DCDC2C: variants seen among roughly 807,000 people sequenced by gnomAD.
The protein encoded by DCDC2C is doublecortin domain-containing protein 2C.
Under a neutral mutation model 45.0 loss-of-function variants are expected in DCDC2C, and 44 were observed. The observed-to-expected ratio is 0.98, with a 90% CI of 0.77 to 1.26. The LOEUF is 1.26. Ranked by LOEUF, DCDC2C falls within the 50% of genes most tolerant of loss-of-function variation. DCDC2C has a pLI of 0.00. For synonymous variants in DCDC2C, 187 were observed against 178.8 expected (o/e 1.05, Z -0.37); for missense variants, 447 against 468.9 (o/e 0.95, Z 0.43).
intron 10 of DCDC2C, among the ~76,000 whole-genome samples, chr2:3,845,286 G>A (rs966283849): frequency 6.6e-6 from 1 of 152,194 alleles, no homozygotes; most frequent in Non-Finnish European, 1.5e-5. Context: ...ACTCCATTTG[G>A]GTAGTTGTCT....
At position 3,775,145 on chromosome 2, in the gene DCDC2C, TGTG is replaced by T. The variant is rs1311842709; in HGVS notation, c.955-3669_955-3667del. On this transcript the variant is annotated intron_variant, in intron 8 of 10. Transcript: ENST00000399143. ...CAGCTGTGGCTGTGAGCTAGGCAGC[TGTG>T]GCTGTGAGCTAGGCAGCTGTGGCTG... is the stretch of plus-strand genomic sequence containing the variant. Among the ~76,000 whole-genome samples the T allele has an allele frequency of 1.9e-3, 238 of 124,918 alleles. 4 individuals are homozygous for T. Among genetic ancestry groups the T allele is most frequent in the Middle Eastern group, 4.1e-3 (1 of 242 alleles). 82.0% of individuals were successfully genotyped at this position (124,918 alleles called of 152,430 possible).
At chr2:3,807,348 C>T (rs11686118) in intron 10 of DCDC2C, among the ~76,000 whole-genome samples, 31,591 of 152,004 alleles carry the variant, frequency 0.21, 3,470 homozygotes, top group South Asian at 0.35. Context: ...CGAAGTGTGC[C>T]CAGGCAGGGG....
chr2:3,708,906 G>C (rs1386639310), intron 2 of DCDC2C, among the ~76,000 whole-genome samples: 2 of 152,186 alleles, frequency 1.3e-5, no homozygotes, highest in Non-Finnish European at 2.9e-5. Context: ...GGAAAGACAG[G>C]TCTCAGGAAA....
intron 8 of DCDC2C, among the ~76,000 whole-genome samples, chr2:3,774,314 C>G (rs1670268639): frequency 6.6e-6 from 1 of 152,220 alleles, no homozygotes; most frequent in Non-Finnish European, 1.5e-5. Context: ...CGGGAAACTT[C>G]AAGAGAAGTG....
intron 2 of DCDC2C, among the ~76,000 whole-genome samples, chr2:3,725,556 G>A (rs1195598401): frequency 2.1e-5 from 3 of 144,562 alleles, no homozygotes; most frequent in Admixed American, 6.9e-5. Context: ...GAGGCTGCCC[G>A]GTGGATCCCA....
intron 1 of DCDC2C, among the ~76,000 whole-genome samples, chr2:3,706,949 C>A (rs572595691): frequency 6.6e-6 from 1 of 152,312 alleles, no homozygotes; most frequent in South Asian, 2.1e-4. Flanking sequence ...CTCTGCGGTA[C>A]GGTTGGGAGA....
chr2:3,736,098 G>A (rs357957), intron 3 of DCDC2C, among the ~76,000 whole-genome samples: 68,356 of 151,978 alleles, frequency 0.45, 16,069 homozygotes, highest in East Asian at 0.71. Flanking sequence ...GAAGTCTTTG[G>A]TTAAATGAGT....
At chr2:3,766,228 A>G (rs936913309) in intron 6 of DCDC2C, among the ~76,000 whole-genome samples, 3 of 151,970 alleles carry the variant, frequency 2.0e-5, no homozygotes. Flanking sequence ...TGGGTTGTGC[A>G]TGCTTGTCAT....
chr2:3,710,390 T>A (rs893696445), intron 2 of DCDC2C, among the ~76,000 whole-genome samples: 3 of 152,096 alleles, frequency 2.0e-5, no homozygotes, highest in Non-Finnish European at 4.4e-5. Context: ...CCAGTGTGTG[T>A]TGTTCCCCTC....
chr2:3,835,892 C>T (rs1048708116), intron 10 of DCDC2C, among the ~76,000 whole-genome samples: 1 of 152,130 alleles, frequency 6.6e-6, no homozygotes, highest in Non-Finnish European at 1.5e-5. Context: ...TACAGGTGTA[C>T]ACCACCATGG....
chr2:3,747,474 A>G (rs1249551495), intron 4 of DCDC2C, among the ~76,000 whole-genome samples: 1 of 152,156 alleles, frequency 6.6e-6, no homozygotes, highest in Non-Finnish European at 1.5e-5. Context: ...GGCCATTGTC[A>G]TGGAGCAGCC....
chr2:3,713,954 GT>G (rs1406610632), intron 2 of DCDC2C, among the ~76,000 whole-genome samples: 3 of 152,190 alleles, frequency 2.0e-5, no homozygotes, highest in Non-Finnish European at 4.4e-5. Context: ...AGTGTAAACT[GT>G]TTTACAAATT....
rs148002984 is a variant in DCDC2C at position 3,835,510 on chromosome 2, C to T, written c.1066-11644C>T. ...AGTGTTCAGATGGGAGCGTGACTCT[C>T]ACTTCCCGTGGAAATCTCTAGTTCC... On this transcript the variant is annotated intron_variant, in intron 10 of 10. Coordinates refer to ENST00000399143, the MANE Select transcript of DCDC2C (RefSeq NM_001287444.2). Among the ~76,000 whole-genome samples the T allele has an allele frequency of 2.6e-5, 4 of 152,328 alleles. No individual in the cohort carries two copies. In the East Asian group the frequency reaches 5.8e-4, roughly 22 times the overall value.
At chr2:3,746,478 C>T (rs899129533) in intron 4 of DCDC2C, among the ~76,000 whole-genome samples, 1 of 152,140 alleles carries the variant, frequency 6.6e-6, no homozygotes, top group African/African-American at 2.4e-5. Context: ...CTGAGGTTGA[C>T]AATTCTGAAC....
At chr2:3,794,969 G>C (rs967790714) in intron 10 of DCDC2C, among the ~76,000 whole-genome samples, 1 of 152,086 alleles carries the variant, frequency 6.6e-6, no homozygotes, top group African/African-American at 2.4e-5. Context: ...GAACTAGTTT[G>C]CAGTCCCACC....
intron 10 of DCDC2C, among the ~76,000 whole-genome samples, chr2:3,788,788 T>TCCTC (rs1670723106): frequency 1.1e-5 from 1 of 94,358 alleles, no homozygotes; most frequent in Non-Finnish European, 2.3e-5. Context: ...TTCCCTTTCT[T>TCCTC]CCTCCCTTCC....
intron 3 of DCDC2C, among the ~76,000 whole-genome samples, chr2:3,739,551 G>T (rs569632244): frequency 6.6e-6 from 1 of 152,262 alleles, no homozygotes; most frequent in Non-Finnish European, 1.5e-5. Flanking sequence ...ACACCGGCAG[G>T]CCGCCGACCG....
intron 8 of DCDC2C, among the ~76,000 whole-genome samples, chr2:3,769,913 G>A (rs1342889945): frequency 6.6e-6 from 1 of 152,172 alleles, no homozygotes; most frequent in Non-Finnish European, 1.5e-5. Flanking sequence ...GTGCAGGTCT[G>A]TGTGTGGCCT....
At chr2:3,711,418 T>TA (rs573023012) in intron 2 of DCDC2C, among the ~76,000 whole-genome samples, 1,761 of 151,094 alleles carry the variant, frequency 0.012, 36 homozygotes, top group African/African-American at 0.039. Context: ...CAGACTGGAT[T>TA]AAAAAAAAAG....
Sources: allele counts gnomAD v4.1 joint callset (sites outside exome capture counted in the v4.1 genomes callset), GRCh38; gene constraint gnomAD v4.1.1; transcripts MANE v1.5; gene names NCBI Gene and HGNC (gene_info 2026-07-23, HGNC 2026-07-21).